PCDHA5: variants seen among roughly 807,000 people sequenced by gnomAD.
PCDHA5 encodes protocadherin alpha-5.
In PCDHA5, 43 loss-of-function variants were observed where a neutral mutation model predicts 61.6. That is an observed-to-expected ratio of 0.70 (90% CI 0.55 to 0.90). The LOEUF (loss-of-function observed/expected upper bound fraction) is 0.90, where lower values mean the gene tolerates loss of function less well. Ranked by LOEUF, PCDHA5 falls within the 40% of genes least tolerant of loss-of-function variation. PCDHA5 has a pLI of 0.00. For synonymous variants in PCDHA5, 627 were observed against 543.9 expected (o/e 1.15, Z -2.13); for missense variants, 1,298 against 1,222.7 (o/e 1.06, Z -0.92).
chr5:140,950,995 C>G (rs1554219713), intron 1 of PCDHA5, among the ~76,000 whole-genome samples: 1 of 151,856 alleles, frequency 6.6e-6, no homozygotes, highest in Non-Finnish European at 1.5e-5. Flanking sequence ...TCTTTTAGCT[C>G]CATTTTTCCC....
At chr5:140,840,106 C>T (rs1776564749) in intron 1 of PCDHA5, among the ~76,000 whole-genome samples, 1 of 151,740 alleles carries the variant, frequency 6.6e-6, no homozygotes, top group South Asian at 2.1e-4. Context: ...TTAGTGAAAT[C>T]GAGTGAAAGC....
At chr5:141,002,133 C>T (rs1172462824) in intron 3 of PCDHA5, among the ~76,000 whole-genome samples, 2 of 152,248 alleles carry the variant, frequency 1.3e-5, no homozygotes, top group African/African-American at 4.8e-5. Context: ...ATAGCCTTTG[C>T]CGGCTGCACT....
In PCDHA5 at chr5:140,823,134, G is replaced by A; in HGVS notation, c.1359G>A (p.Ala453=). ...EVADVNDNAP[A]FAQPQYTVFV... ...CCGACGTGAACGACAACGCTCCGGC[G>A]TTCGCGCAGCCCCAGTATACCGTGT... Residue 453 remains alanine (A), a synonymous_variant, in exon 1 of 4, where the codon GCG becomes GCA. Coordinates refer to ENST00000529859, the MANE Select transcript of PCDHA5 (RefSeq NM_018908.3). 2 of 1,614,020 alleles carry A rather than the reference G, an allele frequency of 1.2e-6. No individual in the cohort carries two copies. The highest frequency in any genetic ancestry group is 1.7e-6 in the Non-Finnish European group (2 of 1,179,968).
chr5:140,962,511 C>T (rs1164554453), intron 1 of PCDHA5, among the ~76,000 whole-genome samples: 1 of 152,106 alleles, frequency 6.6e-6, no homozygotes, highest in Non-Finnish European at 1.5e-5. Flanking sequence ...AGCCAACTAT[C>T]AATAATATAT....
chr5:140,845,872 C>T (rs1261726866), intron 1 of PCDHA5, among the ~76,000 whole-genome samples: 3 of 149,504 alleles, frequency 2.0e-5, no homozygotes, highest in Non-Finnish European at 4.5e-5. Flanking sequence ...AGAAAGGCAA[C>T]CTAAAATGTC....
intron 1 of PCDHA5, chr5:140,929,236 A>C (rs782440521): frequency 3.1e-6 from 5 of 1,613,890 alleles, no homozygotes; most frequent in Non-Finnish European, 3.4e-6. Flanking sequence ...CGACCTGCGA[A>C]ATCTTGCCAC....
chr5:140,823,676 G>C lies in PCDHA5; in HGVS notation c.1901G>C (p.Arg634Pro). The C allele has an allele frequency of 1.9e-6, 3 of 1,614,042 alleles. No homozygotes were observed. Among genetic ancestry groups the C allele is most frequent in the Non-Finnish European group, 2.5e-6 (3 of 1,179,960 alleles). The change falls in exon 1 of 4, where the codon CGC becomes CCC. Residue 634 changes from arginine to proline, a missense_variant. Arg to Pro is a moderately radical substitution (Grantham distance 103). Coordinates refer to ENST00000529859, the MANE Select transcript of PCDHA5 (RefSeq NM_018908.3). ...TACACAGGCGAGATCAGCACAACAC[G>C]CTCTCTGGATGAGACCGAAGCACCG... ...GLYTGEISTTRSLDETEAPRH... is the reference protein window; with the variant it reads ...GLYTGEISTTPSLDETEAPRH...
At chr5:140,946,797 CAG>C (rs1279078142) in intron 1 of PCDHA5, among the ~76,000 whole-genome samples, 2 of 151,052 alleles carry the variant, frequency 1.3e-5, no homozygotes, top group Non-Finnish European at 3.0e-5. Context: ...CTTATAGAAG[CAG>C]AGAGTATAAC....
At chr5:140,968,644 G>C (rs1554230935) in intron 1 of PCDHA5, 3 of 1,614,046 alleles carry the variant, frequency 1.9e-6, no homozygotes, top group African/African-American at 2.7e-5. Context: ...ATCTAGCCCA[G>C]ACTTCTGACC....
chr5:140,937,039 CT>C (rs34994034), intron 1 of PCDHA5, among the ~76,000 whole-genome samples: 142 of 140,130 alleles, frequency 1.0e-3, no homozygotes, highest in Middle Eastern at 3.8e-3. Flanking sequence ...TTCCATTTAT[CT>C]TTTTTTTTTT....
chr5:140,851,336 A>C, intron 1 of PCDHA5: 1 of 979,180 alleles, frequency 1.0e-6, no homozygotes, highest in Non-Finnish European at 1.2e-6. Context: ...GTAGTTCTCT[A>C]CATTTCTCTG....
intron 1 of PCDHA5, chr5:140,967,204 G>T: frequency 3.7e-6 from 6 of 1,613,634 alleles, no homozygotes; most frequent in Non-Finnish European, 5.1e-6. Context: ...ACAACTCACC[G>T]CGTTTCCCGC....
At position 140,823,170 on chromosome 5, in the gene PCDHA5, G is replaced by A; in HGVS notation, c.1395G>A (p.Glu465=). The change falls in exon 1 of 4, where the codon GAG becomes GAA. Residue 465 remains glutamate, a synonymous_variant. Coordinates refer to ENST00000529859, the MANE Select transcript of PCDHA5 (RefSeq NM_018908.3). The stretch of plus-strand genomic sequence containing the variant: ...CCCAGTATACCGTGTTCGTGAAGGA[G>A]AACAACCCGCCAGGCTGCCACATCT... The part of the protein sequence containing the change: ...AQPQYTVFVK[E]NNPPGCHIFT... 6.2e-7 allele frequency: 1 copy of A among 1,613,908 alleles called. No homozygotes were observed. The highest frequency in any genetic ancestry group is 1.1e-5 in the South Asian group (1 of 91,074).
At chr5:140,877,388 A>G (rs1186041410) in intron 1 of PCDHA5, 14 of 1,613,802 alleles carry the variant, frequency 8.7e-6, no homozygotes, top group Non-Finnish European at 1.2e-5. Flanking sequence ...ATCCTGGATG[A>G]GGCGGACGCT....
chr5:140,876,657 C>T (rs782518264), intron 1 of PCDHA5: 3 of 1,614,228 alleles, frequency 1.9e-6, no homozygotes, highest in East Asian at 4.5e-5. Flanking sequence ...ATGTTCCCTT[C>T]AAGCTGGTGT....
chr5:140,927,213 G>C (rs1384969721), intron 1 of PCDHA5: 11 of 1,614,000 alleles, frequency 6.8e-6, no homozygotes, highest in Non-Finnish European at 9.3e-6. Flanking sequence ...CGCTGGAGCT[G>C]CACAAGATTC....
intron 1 of PCDHA5, among the ~76,000 whole-genome samples, chr5:140,973,052 G>C (rs114678656): frequency 0.013 from 2,011 of 152,210 alleles, 55 homozygotes; most frequent in African/African-American, 0.046. Flanking sequence ...TAGTAGATTT[G>C]TCCAACAGTG....
chr5:140,985,202 G>A (rs1554246846), intron 3 of PCDHA5, among the ~76,000 whole-genome samples: 1 of 152,204 alleles, frequency 6.6e-6, no homozygotes, highest in Non-Finnish European at 1.5e-5. Flanking sequence ...CTCCCAAAGT[G>A]TTGGGATTAC....
At chr5:140,877,240 G>A (rs1481558429) in intron 1 of PCDHA5, 2 of 1,613,736 alleles carry the variant, frequency 1.2e-6, no homozygotes, top group Non-Finnish European at 1.7e-6. Context: ...TGCGGGCCAC[G>A]TGGTGGCGAA....
Sources: allele counts gnomAD v4.1 joint callset (sites outside exome capture counted in the v4.1 genomes callset), GRCh38; gene constraint gnomAD v4.1.1; transcripts MANE v1.5; gene names NCBI Gene and HGNC (gene_info 2026-07-23, HGNC 2026-07-21).